DNAH5: variants seen among roughly 807,000 people sequenced by gnomAD.
DNAH5 encodes the protein axonemal beta dynein heavy chain 5.
In DNAH5, 372 loss-of-function variants were observed where a neutral mutation model predicts 518.2. The ratio of observed to expected loss-of-function variants is 0.72; its 90% CI spans 0.66 to 0.78. The LOEUF (loss-of-function observed/expected upper bound fraction) is 0.78. Ranked by LOEUF, DNAH5 falls within the 30% of genes least tolerant of loss-of-function variation. DNAH5 has a pLI of 0.00. For missense variants in DNAH5, 5,523 were observed against 5,687.0 expected (o/e 0.97, Z 0.93); for synonymous variants, 2,039 against 2,025.9 (o/e 1.01, Z -0.17).
chr5:13,824,104 T>G (rs1762583985), intron 39 of DNAH5, 95 bp downstream of exon 39: 1 of 1,280,102 alleles, frequency 7.8e-7, no homozygotes, highest in Admixed American at 1.7e-5. Flanking sequence ...GCATTTTAAA[T>G]GAGCATTTTA....
intron 35 of DNAH5, among the ~76,000 whole-genome samples, chr5:13,833,864 T>C (rs747303414): frequency 9.2e-5 from 14 of 152,222 alleles, no homozygotes; most frequent in Non-Finnish European, 7.3e-5. Context: ...CATATTATAA[T>C]AGCTATTTTA....
At chr5:13,858,189 C>T (rs891242401) in intron 30 of DNAH5, among the ~76,000 whole-genome samples, 2 of 152,108 alleles carry the variant, frequency 1.3e-5, no homozygotes, top group Admixed American at 6.5e-5. Flanking sequence ...CAATGTTATA[C>T]TGGATAAAGA....
chr5:13,807,566 C>T (rs745707422), intron 47 of DNAH5, 25 bp downstream of exon 47: 1 of 1,611,508 alleles, frequency 6.2e-7, no homozygotes, highest in Non-Finnish European at 8.5e-7. Context: ...ATTGGGCTTA[C>T]TGAGCCATAC....
chr5:13,735,694 C>T (rs543104462), intron 67 of DNAH5, 124 bp downstream of exon 67: 5 of 852,958 alleles, frequency 5.9e-6, no homozygotes, highest in South Asian at 1.4e-5. Flanking sequence ...GGTAATTACA[C>T]TGATCTGAGA....
chr5:13,862,271 A>G (rs1580639428), intron 29 of DNAH5, among the ~76,000 whole-genome samples: 1 of 152,202 alleles, frequency 6.6e-6, no homozygotes, highest in East Asian at 1.9e-4. Flanking sequence ...GGATAATGAA[A>G]TAAAACCAGA....
chr5:13,881,428 T>C (rs1456540539), intron 21 of DNAH5, among the ~76,000 whole-genome samples: 2 of 151,914 alleles, frequency 1.3e-5, no homozygotes, highest in Non-Finnish European at 2.9e-5. Flanking sequence ...TAAGATCAAA[T>C]TACAACAAAT....
rs762302202 is a variant in DNAH5, at chr5:13,753,282, G to A, written c.10823C>T (p.Thr3608Ile). 3.7e-6 allele frequency: 6 copies of A among 1,613,832 alleles called. No individual in the cohort carries two copies. Among genetic ancestry groups the A allele is most frequent in the Non-Finnish European group, 4.2e-6 (5 of 1,179,910 alleles). The change falls in exon 63 of 79, where the codon ACT becomes ATT. Residue 3608 changes from threonine to isoleucine, a missense_variant. This residue lies in a region of DNAH5 where 5,121 missense variants were observed against 5,223.3 expected (regional missense o/e 0.98). Coordinates refer to ENST00000265104, the MANE Select transcript of DNAH5 (RefSeq NM_001369.3). ...SRYPLLIDPQ[T>I]QGKIWIKNKE... is the part of the protein sequence containing the mutation. ...ATTTTTAATCCAGATCTTGCCTTGA[G>A]TCTGTGGATCAATTAACAAAGGGTA...
intron 1 of DNAH5, 114 bp downstream of exon 1, chr5:13,944,268 C>T (rs1049332982): frequency 9.8e-6 from 10 of 1,019,594 alleles, no homozygotes; most frequent in South Asian, 2.6e-5. Context: ...ATGTGTTTCT[C>T]GCAAATTCAT....
intron 60 of DNAH5, among the ~76,000 whole-genome samples, chr5:13,761,367 G>A (rs1751745156): frequency 6.6e-6 from 1 of 152,190 alleles, no homozygotes; most frequent in African/African-American, 2.4e-5. Flanking sequence ...GCCGAGGTGG[G>A]CGGATCACGA....
chr5:13,884,563 G>A (rs1312215252), intron 19 of DNAH5, among the ~76,000 whole-genome samples: 1 of 152,240 alleles, frequency 6.6e-6, no homozygotes, highest in East Asian at 1.9e-4. Context: ...ATGGCCAAGT[G>A]CGGTGGCTCA....
intron 1 of DNAH5, among the ~76,000 whole-genome samples, chr5:13,951,158 G>T (rs1469160217): frequency 2.1e-5 from 3 of 142,802 alleles, no homozygotes; most frequent in Non-Finnish European, 4.5e-5. Flanking sequence ...TGAATATAAA[G>T]TAACAATATT....
At chr5:13,725,106 T>TATA (rs1745548009) in intron 70 of DNAH5, among the ~76,000 whole-genome samples, 1 of 152,230 alleles carries the variant, frequency 6.6e-6, no homozygotes, top group East Asian at 1.9e-4. Context: ...CCAGCCCTTA[T>TATA]GAAGCTTGCC....
At position 13,894,538 on chromosome 5, in the gene DNAH5, T is replaced by A. The variant is rs1238709690; in HGVS notation, c.2431+112A>T. On this transcript the variant is annotated intron_variant, in intron 16 of 78. Coordinates refer to ENST00000265104, the MANE Select transcript of DNAH5 (RefSeq NM_001369.3). ...ACTTCCTTATGAAACAGCTTAAGAA[T>A]AACACTCCCCATTTCATTATTTATA... 4 of 1,184,470 alleles carry A rather than the reference T, an allele frequency of 3.4e-6. No homozygotes were observed. In the African/African-American group the frequency reaches 4.6e-5, roughly 14 times the overall value. 73.4% of individuals were successfully genotyped at this position (1,184,470 alleles called of 1,614,324 possible).
chr5:13,922,091 G>C lies in DNAH5; in HGVS notation c.660+16C>G. On this transcript the variant is annotated intron_variant, in intron 5 of 78. Transcript: ENST00000265104. ...CCACCTGATCATTTTTAAAGGAACA[G>C]CTTATTCGTCCTCACCTTCTCCTTC... The C allele has an allele frequency of 6.2e-7, 1 of 1,612,590 alleles. No individual in the cohort carries two copies. The highest frequency in any genetic ancestry group is 8.5e-7 in the Non-Finnish European group (1 of 1,178,936).
chr5:13,773,893 A>T (rs77042405), intron 55 of DNAH5, among the ~76,000 whole-genome samples: 3,496 of 149,778 alleles, frequency 0.023, 126 homozygotes, highest in African/African-American at 0.081. Context: ...TAGGAGGAGG[A>T]GAGCATTGCA....
At position 13,898,292 on chromosome 5, in the gene DNAH5, AAAC is replaced by A. The variant is rs147060791; in HGVS notation, c.2259+1911_2259+1913del. 4.8e-3 allele frequency: 1,583 copies of A among 328,254 alleles called. 18 individuals carry two copies. Among genetic ancestry groups the A allele is most frequent in the African/African-American group, 0.031 (1,459 of 47,188 alleles). The allele number at this position is 328,254 out of a possible 1,614,324, so 20.3% of individuals were successfully genotyped here. On this transcript the variant is annotated intron_variant, in intron 15 of 78. Transcript: ENST00000265104. ...GTTTGTTGCCTGAAACAGACAAGTG[AAAC>A]AACAACTCTGCAAATACAATTAAAT...
chr5:13,717,376 G>A lies in DNAH5; in HGVS notation c.12644C>T (p.Ala4215Val), dbSNP rs200969063. 40 of 1,614,020 alleles carry A rather than the reference G, an allele frequency of 2.5e-5. No homozygotes were observed. The Admixed American group carries it at 2.8e-4, about 11-fold the overall frequency. Residue 4215 changes from alanine (A) to valine (V), a missense_variant, in exon 73 of 79, where the codon GCG becomes GTG. By Grantham distance (64) the Ala-to-Val change is moderately conservative. This residue lies in a region of DNAH5 where 5,121 missense variants were observed against 5,223.3 expected (regional missense o/e 0.98). Transcript: ENST00000265104. ...GWNIPYEFNQ[A>V]DFNATVQFIQ... ...GAACTGCACAGTGGCATTAAAGTCC[G>A]CTTGGTTAAATTCGTAGGGGATATT...
At chr5:13,746,636 G>A (rs1749374922) in intron 65 of DNAH5, among the ~76,000 whole-genome samples, 1 of 152,066 alleles carries the variant, frequency 6.6e-6, no homozygotes, top group Non-Finnish European at 1.5e-5. Context: ...ATTTACAACA[G>A]GTAGGATATG....
intron 12 of DNAH5, among the ~76,000 whole-genome samples, chr5:13,903,592 G>A (rs897545086): frequency 6.6e-6 from 1 of 151,736 alleles, no homozygotes; most frequent in Non-Finnish European, 1.5e-5. Flanking sequence ...AATATTAAAA[G>A]ATAGAAATAT....
Sources: allele counts gnomAD v4.1 joint callset (sites outside exome capture counted in the v4.1 genomes callset), GRCh38; gene constraint gnomAD v4.1.1; regional missense constraint gnomAD v4.1.1; transcripts MANE v1.5; gene names NCBI Gene and HGNC (gene_info 2026-07-23, HGNC 2026-07-21).